LYST: variants seen among roughly 807,000 people sequenced by gnomAD.
The protein encoded by LYST is lysosomal trafficking regulator.
Under a neutral mutation model 413.6 loss-of-function variants are expected in LYST, and 192 were observed. The ratio of observed to expected loss-of-function variants is 0.46; its 90% confidence interval spans 0.41 to 0.52. The LOEUF (loss-of-function observed/expected upper bound fraction) is 0.52, where lower values mean the gene tolerates loss of function less well. Ranked by LOEUF, LYST falls within the 20% of genes least tolerant of loss-of-function variation. The pLI is 0.00. For missense variants in LYST, 3,815 were observed against 4,499.9 expected (o/e 0.85, Z 4.35); for synonymous variants, 1,525 against 1,567.3 (o/e 0.97, Z 0.64).
At position 235,849,775 on chromosome 1, in the gene LYST, CAAA is replaced by C. The variant is rs57262471; in HGVS notation, c.-97-16111_-97-16109del. Among the ~76,000 whole-genome samples the C allele has an allele frequency of 3.8e-3, 234 of 61,822 alleles. 1 individual carries two copies. Among genetic ancestry groups the C allele is most frequent in the African/African-American group, 7.6e-3 (137 of 17,914 alleles). The allele number at this position is 61,822 out of a possible 152,430, so 40.6% of individuals were successfully genotyped here. On this transcript the variant is annotated intron_variant, in intron 1 of 52. Transcript: ENST00000389793. ...AACTCAACCCCTTTTACAATAGCTC[CAAA>C]AAAAAAAAAAAAAAAAAAAACTTAG...
intron 49 of LYST, 78 bp downstream of exon 49, chr1:235,677,402 T>G (rs1659466932): frequency 7.0e-7 from 1 of 1,432,814 alleles, no homozygotes; most frequent in Non-Finnish European, 9.8e-7. Flanking sequence ...AAAGACATTA[T>G]TTTGGTTTAT....
Position 235,804,679 on chromosome 1 carries a change from A to G in LYST, c.3394-14T>C, listed in dbSNP as rs372892911. 3.8e-4 allele frequency: 559 copies of G among 1,478,202 alleles called. 2 individuals are homozygous for G. The highest frequency in any genetic ancestry group is 1.0e-3 in the Middle Eastern group (6 of 5,822). The allele number at this position is 1,478,202 out of a possible 1,614,324, so 91.6% of individuals were successfully genotyped here. The stretch of plus-strand genomic sequence containing the variant: ...CACAGACAAGTTCTAAGGTAAAATA[A>G]AAGAGACTAAGAATATTAATAACCA... On this transcript the variant is annotated splice_polypyrimidine_tract_variant and intron_variant, in intron 6 of 52. Transcript: ENST00000389793.
chr1:235,671,080 G>A (rs951333048), intron 50 of LYST, among the ~76,000 whole-genome samples: 1 of 152,168 alleles, frequency 6.6e-6, no homozygotes, highest in African/African-American at 2.4e-5. Context: ...AAGGATTACA[G>A]GCACCTGCCA....
chr1:235,793,395 AAAAG>A (rs1403422778), intron 11 of LYST, 104 bp downstream of exon 11: 4 of 604,952 alleles, frequency 6.6e-6, no homozygotes, highest in African/African-American at 3.8e-5. Context: ...CTGTCACATC[AAAAG>A]AAAGAGCTTA....
chr1:235,867,606 C>A (rs1386019200), upstream of LYST, among the ~76,000 whole-genome samples: 1 of 152,128 alleles, frequency 6.6e-6, no homozygotes, highest in African/African-American at 2.4e-5. Context: ...CCTAATAGAC[C>A]AGTCCCTCCA....
chr1:235,798,089 G>T (rs958460763), intron 10 of LYST, among the ~76,000 whole-genome samples: 3 of 152,116 alleles, frequency 2.0e-5, no homozygotes, highest in African/African-American at 7.2e-5. Context: ...TGAGAAAAAT[G>T]TCAAACAAAT....
At position 235,780,970 on chromosome 1, in the gene LYST, C is replaced by A. The variant is rs757303313; in HGVS notation, c.5109G>T (p.Lys1703Asn). The change falls in exon 16 of 53, where the codon AAG (lysine) becomes AAT (asparagine). Residue 1703 changes from lysine (K) to asparagine (N), a missense_variant. Physicochemically the swap from Lys to Asn is moderately conservative, Grantham distance 94. Around this residue, in one of 4 missense-constraint regions of LYST, gnomAD observed 530 missense variants for 696.5 expected, o/e 0.76. Transcript: ENST00000389793. ...HTSVMPCKYGKPVNDYSKYIN... is the reference protein window; with the variant it reads ...HTSVMPCKYGNPVNDYSKYIN... The stretch of plus-strand genomic sequence containing the variant: ...TATATTTGGAGTAGTCATTGACTGG[C>A]TTGCCATACTTACATGGCATTACAG... 1.2e-6 allele frequency: 2 copies of A among 1,606,798 alleles called. No homozygotes were observed. The highest frequency in any genetic ancestry group is 2.2e-5 in the South Asian group (2 of 90,458).
At chr1:235,789,281 T>C (rs1343548045) in intron 12 of LYST, among the ~76,000 whole-genome samples, 2 of 152,150 alleles carry the variant, frequency 1.3e-5, no homozygotes, top group Non-Finnish European at 2.9e-5. Flanking sequence ...AAAAATATCA[T>C]ATTACAAATT....
Position 235,664,076 on chromosome 1 carries a change from C to G in LYST, c.11196-21G>C. The G allele has an allele frequency of 6.4e-7, 1 of 1,567,968 alleles. No individual in the cohort carries two copies. The highest frequency in any genetic ancestry group is 1.1e-5 in the South Asian group (1 of 90,120). ...ATAACCTAGAGGGGAAAAAAATCAT[C>G]TAATTATGCAAACTAAAATTACTCT... On this transcript the variant is annotated intron_variant, in intron 51 of 52. Transcript: ENST00000389793. This position sits in a 1 kb window ranked among gnomAD's most constrained non-coding sequence, Gnocchi z 4.5.
intron 3 of LYST, among the ~76,000 whole-genome samples, chr1:235,816,448 AT>A (rs1231194682): frequency 2.2e-5 from 3 of 136,614 alleles, no homozygotes; most frequent in African/African-American, 9.3e-5. Context: ...AAAAAAAAAA[AT>A]AAATAAATAA....
chr1:235,808,870 A>T lies in LYST; in HGVS notation c.1948T>A (p.Leu650Ile), dbSNP rs1181735698. The change falls in exon 5 of 53, where the codon TTA becomes ATA. Residue 650 changes from leucine (L) to isoleucine (I), a missense_variant. Coordinates refer to ENST00000389793, the MANE Select transcript of LYST (RefSeq NM_000081.4). ...AAGTTTCCCTGCAGTGTCTCTTCTA[A>T]TTGGGCTAGTTGGTCAGAGTCAACA... Reference protein sequence around the residue: ...CTVDSDQLAQLEETLQGNLCD... With the variant: ...CTVDSDQLAQIEETLQGNLCD... 1 of 1,613,938 alleles carries T rather than the reference A, an allele frequency of 6.2e-7. No homozygotes were observed. Among genetic ancestry groups the T allele is most frequent in the African/African-American group, 1.3e-5 (1 of 75,034 alleles).
chr1:235,816,128 CAAAAAAAAAAAAA>C (rs59556548), intron 3 of LYST, among the ~76,000 whole-genome samples: 1,184 of 11,740 alleles, frequency 0.1, 16 homozygotes, highest in Middle Eastern at 0.18. Flanking sequence ...GACTCCATCT[CAAAAAAAAAAAAA>C]AAAAAAAAAA....
intron 5 of LYST, among the ~76,000 whole-genome samples, chr1:235,807,516 G>A (rs1240876994): frequency 4.6e-5 from 7 of 152,074 alleles, no homozygotes; most frequent in Non-Finnish European, 1.0e-4. Context: ...ATGCCAAAAT[G>A]TCAGAAAAAT....
chr1:235,762,049 A>C (rs769955560), intron 22 of LYST, among the ~76,000 whole-genome samples: 20 of 151,872 alleles, frequency 1.3e-4, no homozygotes, highest in Non-Finnish European at 2.5e-4. Flanking sequence ...GGTGCAGCAC[A>C]CCAACATGGC....
chr1:235,716,149 A>G (rs1461888945), intron 41 of LYST, among the ~76,000 whole-genome samples: 2 of 152,198 alleles, frequency 1.3e-5, no homozygotes. Context: ...TGAATATGAG[A>G]AAAGTGTTTC....
At chr1:235,694,498 G>A (rs972803261) in intron 46 of LYST, among the ~76,000 whole-genome samples, 1 of 152,176 alleles carries the variant, frequency 6.6e-6, no homozygotes, top group Admixed American at 6.5e-5. Context: ...TCCTAAAGGA[G>A]AGACAATGTG....
In LYST at chr1:235,674,446, A is replaced by G. The variant is rs1659214050; in HGVS notation, c.11038+2645T>C. Among the ~76,000 whole-genome samples the G allele has an allele frequency of 6.6e-6, 1 of 152,008 alleles. No individual in the cohort carries two copies. Among genetic ancestry groups the G allele is most frequent in the Non-Finnish European group, 1.5e-5 (1 of 68,012 alleles). ...GTCCCCCTCGGGTCTTTTGATCGTCACATATATATAAATGCTATCAAAGTT... is the reference window on the plus strand; with the variant it reads ...GTCCCCCTCGGGTCTTTTGATCGTCGCATATATATAAATGCTATCAAAGTT... On this transcript the variant is annotated intron_variant, in intron 50 of 52. Coordinates refer to ENST00000389793, the MANE Select transcript of LYST (RefSeq NM_000081.4). This position sits in a 1 kb window ranked among gnomAD's most constrained non-coding sequence, Gnocchi z 4.1.
chr1:235,767,994 T>G (rs1445351451), intron 20 of LYST, among the ~76,000 whole-genome samples: 1 of 152,084 alleles, frequency 6.6e-6, no homozygotes, highest in Non-Finnish European at 1.5e-5. Context: ...TGTATCTCTT[T>G]CAATAGCCCC....
intron 1 of LYST, among the ~76,000 whole-genome samples, chr1:235,856,644 G>T (rs999624853): frequency 2.0e-5 from 3 of 152,120 alleles, no homozygotes; most frequent in African/African-American, 7.2e-5. Context: ...AAAAAATAAG[G>T]TGAAGAGAAA....
Sources: gnomAD v4.1 joint callset for allele counts (sites outside exome capture counted in the v4.1 genomes callset) on GRCh38, gnomAD v4.1.1 for gene constraint, gnomAD v4.1.1 regional missense constraint, Gnocchi (gnomAD v3.1) non-coding constraint, MANE v1.5 for transcripts, NCBI Gene and HGNC (gene_info 2026-07-23, HGNC 2026-07-21) for gene names.